The following SNTB2 variants were observed in gnomAD, a reference collection of about 807,000 sequenced individuals.
SNTB2 encodes syntrophin beta 2, also known as beta-2-syntrophin.
SNTB2 carries 34 observed loss-of-function variants against 46.2 expected under a neutral mutation model. That is an observed-to-expected ratio of 0.74 (90% CI 0.56 to 0.98). SNTB2 has a LOEUF of 0.98. SNTB2 is among the 50% of genes least tolerant of loss of function. SNTB2 has a pLI of 0.00. For missense variants in SNTB2, 603 were observed against 731.4 expected (o/e 0.82, Z 2.02); for synonymous variants, 290 against 312.6 (o/e 0.93, Z 0.76).
At chr16:69,206,856 C>A (rs888492997) in intron 1 of SNTB2, among the ~76,000 whole-genome samples, 2 of 151,572 alleles carry the variant, frequency 1.3e-5, no homozygotes, top group East Asian at 4.0e-4. Flanking sequence ...ACCTCCACCT[C>A]CCAGGTTCAA....
intron 1 of SNTB2, among the ~76,000 whole-genome samples, chr16:69,189,050 G>T (rs536705544): frequency 2.0e-5 from 3 of 152,254 alleles, no homozygotes; most frequent in East Asian, 3.9e-4. Context: ...AAACCGAGAG[G>T]CCAGAAGTCC....
chr16:69,292,378 ATTATATATATATTATATATATATATATAT>A (rs1965172279), intron 5 of SNTB2, among the ~76,000 whole-genome samples: 1 of 25,796 alleles, frequency 3.9e-5, no homozygotes, highest in Non-Finnish European at 6.5e-5. Context: ...ATATATATAT[ATTATATATATATTATATATATATATATAT>A]TATATATATA....
chr16:69,187,770 T>TGGGGGGGCCGGGGGGGGGGGGG, intron 1 of SNTB2, 24 bp downstream of exon 1: 1 of 179,704 alleles, frequency 5.6e-6, no homozygotes. Context: ...GGCGGGAGGG[T>TGGGGGGGCCGGGGGGGGGGGGG]GGGCAGGCCG....
chr16:69,236,333 G>GT (rs1028757543), intron 1 of SNTB2, among the ~76,000 whole-genome samples: 41 of 152,214 alleles, frequency 2.7e-4, no homozygotes, highest in African/African-American at 9.4e-4. Flanking sequence ...TGGTAACCTT[G>GT]TGTAAAGGCA....
Position 69,187,348 on chromosome 16 carries a change from C to T in SNTB2, c.182C>T (p.Pro61Leu). The T allele has an allele frequency of 2.1e-6, 3 of 1,432,504 alleles. No homozygotes were observed. Among genetic ancestry groups the T allele is most frequent in the Non-Finnish European group, 9.1e-7 (1 of 1,093,498 alleles). 88.7% of individuals were successfully genotyped at this position (1,432,504 alleles called of 1,614,324 possible). The change falls in exon 1 of 7, where the codon CCC becomes CTC. Residue 61 changes from proline to leucine, a missense_variant. This residue lies in a region of SNTB2 where 537 missense variants were observed against 692.4 expected (regional missense o/e 0.78). Coordinates refer to ENST00000336278, the MANE Select transcript of SNTB2 (RefSeq NM_006750.4). ...TGDAAAAELEPALGPAAAAFN... is the reference protein window; with the variant it reads ...TGDAAAAELELALGPAAAAFN... ...GACGCCGCCGCGGCCGAGCTGGAGC[C>T]CGCTCTGGGACCCGCGGCCGCCGCC...
chr16:69,258,206 G>C (rs1178273859), intron 2 of SNTB2, among the ~76,000 whole-genome samples: 1 of 152,078 alleles, frequency 6.6e-6, no homozygotes, highest in African/African-American at 2.4e-5. Flanking sequence ...TTGGCAGTTT[G>C]TCAATTTGTA....
At chr16:69,230,960 G>A (rs1478650187) in intron 1 of SNTB2, 1 of 151,128 alleles carries the variant, frequency 6.6e-6, no homozygotes, top group Admixed American at 6.6e-5. Context: ...AGCCAGGATG[G>A]TCTCCATCTC....
At chr16:69,236,772 C>T (rs1567404286) in intron 1 of SNTB2, among the ~76,000 whole-genome samples, 1 of 151,298 alleles carries the variant, frequency 6.6e-6, no homozygotes, top group East Asian at 1.9e-4. Context: ...AGTAGGTAGG[C>T]TAGAGAACAA....
chr16:69,300,931 A>G lies in SNTB2; in HGVS notation c.*7A>G. 1.9e-6 allele frequency: 3 copies of G among 1,566,484 alleles called. No individual in the cohort carries two copies. Among genetic ancestry groups the G allele is most frequent in the Middle Eastern group, 1.7e-4 (1 of 5,964 alleles). On this transcript the variant is annotated 3_prime_UTR_variant, in exon 7 of 7. Transcript: ENST00000336278. ...TATGGGACTGCTTGTATGAGCAACAAAAAATCAGAAAAGAGCCTTGACTGT... is the reference window on the plus strand; with the variant it reads ...TATGGGACTGCTTGTATGAGCAACAGAAAATCAGAAAAGAGCCTTGACTGT...
intron 4 of SNTB2, among the ~76,000 whole-genome samples, chr16:69,277,945 G>T (rs1163499940): frequency 6.6e-6 from 1 of 152,194 alleles, no homozygotes; most frequent in Admixed American, 6.5e-5. Flanking sequence ...ACTTTGGGAG[G>T]CCAAGGCATG....
intron 2 of SNTB2, among the ~76,000 whole-genome samples, chr16:69,252,449 A>G (rs1365694999): frequency 6.6e-6 from 1 of 152,226 alleles, no homozygotes; most frequent in Non-Finnish European, 1.5e-5. Context: ...TTTAGGAAGA[A>G]CAAGGTGTTC....
chr16:69,199,428 G>A (rs1384407193), intron 1 of SNTB2, among the ~76,000 whole-genome samples: 10 of 151,872 alleles, frequency 6.6e-5, no homozygotes. Context: ...TACACAGGCA[G>A]CATTAATTAA....
chr16:69,262,396 C>T (rs1481962941), intron 3 of SNTB2, among the ~76,000 whole-genome samples: 1 of 151,440 alleles, frequency 6.6e-6, no homozygotes, highest in East Asian at 1.9e-4. Context: ...AGCTCGGCCT[C>T]CCGGGTTGTT....
Position 69,301,028 on chromosome 16 carries a change from C to G in SNTB2, c.*104C>G. The G allele has an allele frequency of 1.4e-6, 1 of 696,984 alleles. No individual in the cohort carries two copies. Among genetic ancestry groups the G allele is most frequent in the East Asian group, 2.7e-5 (1 of 37,414 alleles). 43.2% of individuals were successfully genotyped at this position (696,984 alleles called of 1,614,324 possible). On this transcript the variant is annotated 3_prime_UTR_variant, in exon 7 of 7. Coordinates refer to ENST00000336278, the MANE Select transcript of SNTB2 (RefSeq NM_006750.4). ...CTCTTTGCTCTCCTTCAGCACAGTG[C>G]CTTCCCAAGGACCTGCAAATAACTG...
intron 1 of SNTB2, among the ~76,000 whole-genome samples, chr16:69,233,726 A>G (rs183360089): frequency 6.6e-6 from 1 of 152,124 alleles, no homozygotes; most frequent in African/African-American, 2.4e-5. Flanking sequence ...TAATCCCAGC[A>G]CTTTGGGAGG....
chr16:69,196,697 G>T (rs2152289206), intron 1 of SNTB2, among the ~76,000 whole-genome samples: 1 of 152,210 alleles, frequency 6.6e-6, no homozygotes, highest in Middle Eastern at 3.4e-3. Context: ...TAACAGCCCT[G>T]TGAGTCAGGT....
chr16:69,284,917 A>AG (rs981160579), intron 5 of SNTB2, among the ~76,000 whole-genome samples: 3 of 152,222 alleles, frequency 2.0e-5, no homozygotes, highest in Admixed American at 1.3e-4. Flanking sequence ...TCAAAAAAAA[A>AG]GATACACGAA....
intron 2 of SNTB2, among the ~76,000 whole-genome samples, chr16:69,257,422 T>C (rs1964789064): frequency 7.6e-6 from 1 of 131,648 alleles, no homozygotes. Flanking sequence ...CTCTTATTTA[T>C]TTATTTATTT....
intron 1 of SNTB2, among the ~76,000 whole-genome samples, chr16:69,229,335 AT>A (rs1964485311): frequency 6.6e-6 from 1 of 151,590 alleles, no homozygotes; most frequent in African/African-American, 2.4e-5. Flanking sequence ...ACACCTGGCT[AT>A]TTTTTTAATT....
Sources: allele counts gnomAD v4.1 joint callset (sites outside exome capture counted in the v4.1 genomes callset), GRCh38; gene constraint gnomAD v4.1.1; regional missense constraint gnomAD v4.1.1; transcripts MANE v1.5; gene names NCBI Gene and HGNC (gene_info 2026-07-23, HGNC 2026-07-21).